ZNF691: variants seen among roughly 807,000 people sequenced by gnomAD.
ZNF691 encodes the protein zinc finger protein 691.
In ZNF691, 11 loss-of-function variants were observed where a neutral mutation model predicts 24.1. That is an observed-to-expected ratio of 0.46 (90% confidence interval 0.29 to 0.75). The LOEUF (loss-of-function observed/expected upper bound fraction) is 0.75, where lower values mean the gene tolerates loss of function less well. Among genes scored for constraint, ZNF691 ranks in the 30% least tolerant of loss-of-function variants. The probability of loss-of-function intolerance (pLI) is 0.11; values close to 1 mark genes in which losing one functional copy is unlikely to be tolerated. For synonymous variants in ZNF691, 149 were observed against 153.9 expected, an observed-to-expected ratio of 0.97 and a Z score of 0.23; for missense variants, 356 against 409.0, an observed-to-expected ratio of 0.87 and a Z score of 1.12.
In ZNF691 at chr1:42,852,127, C is replaced by T. The variant is rs1655416638; in HGVS notation, c.*314C>T. 1.5e-5 allele frequency: 7 copies of T among 459,856 alleles called. No individual in the cohort carries two copies. Among genetic ancestry groups the T allele is most frequent in the South Asian group, 1.0e-4 (5 of 49,300 alleles). 28.5% of individuals were successfully genotyped at this position (459,856 alleles called of 1,614,324 possible). The stretch of plus-strand genomic sequence containing the variant: ...CTCATGTTATTAAGGCAGCAGTCCC[C>T]CTGGCCTTTGAGGAAGTACTTATGA... On this transcript the variant is annotated 3_prime_UTR_variant, in exon 4 of 4. Transcript: ENST00000651192.
At chr1:42,849,219 A>G (rs983431890) in intron 1 of ZNF691, 72 bp from the exon 2 acceptor site, 10 of 359,594 alleles carry the variant, frequency 2.8e-5, no homozygotes, top group African/African-American at 1.9e-4. Context: ...ATACAGTTTT[A>G]TGCTATTTTT....
intron 3 of ZNF691, 183 bp from the exon 4 acceptor site, chr1:42,850,767 A>G: frequency 6.5e-7 from 1 of 1,550,386 alleles, no homozygotes; most frequent in Non-Finnish European, 8.7e-7. Context: ...AATATCTCTG[A>G]AAGTTTGTCA....
At chr1:42,850,680 T>C in intron 3 of ZNF691, 2 of 1,550,602 alleles carry the variant, frequency 1.3e-6, no homozygotes, top group Non-Finnish European at 1.7e-6. Flanking sequence ...AGAGTGACAT[T>C]ATTCAAATGG....
At position 42,850,997 on chromosome 1, in the gene ZNF691, G is replaced by T; in HGVS notation, c.132G>T (p.Leu44=). 1.3e-6 allele frequency: 2 copies of T among 1,544,940 alleles called. No homozygotes were observed. The highest frequency in any genetic ancestry group is 1.4e-5 in the African/African-American group (1 of 72,558). The change falls in exon 4 of 4, where the codon CTG becomes CTT. Residue 44 remains leucine, a synonymous_variant. Coordinates refer to ENST00000651192, the MANE Select transcript of ZNF691 (RefSeq NM_001242739.2). ...SEKEQSPEPH[L]PEEGEGGKPW... The stretch of plus-strand genomic sequence containing the variant: ...AGGAGCAGAGTCCAGAACCACACCT[G>T]CCTGAGGAAGGGGAAGGGGGTAAGC...
chr1:42,847,621 C>A (rs1655275721), intron 1 of ZNF691, among the ~76,000 whole-genome samples: 1 of 152,250 alleles, frequency 6.6e-6, no homozygotes, highest in Non-Finnish European at 1.5e-5. Flanking sequence ...CTTGAAACTT[C>A]TCAGCCCTGA....
At position 42,851,939 on chromosome 1, in the gene ZNF691, G is replaced by A. The variant is rs999189796; in HGVS notation, c.*126G>A. The A allele has an allele frequency of 1.5e-5, 21 of 1,416,742 alleles. No individual in the cohort carries two copies. The highest frequency in any genetic ancestry group is 5.7e-5 in the African/African-American group (4 of 70,444). The allele number at this position is 1,416,742 out of a possible 1,614,324, so 87.8% of individuals were successfully genotyped here. ...TCATCCCACTTTGGAGAATGGTTTT[G>A]TATAGCCTCTGAAGTCAGGATCTCA... On this transcript the variant is annotated 3_prime_UTR_variant, in exon 4 of 4. Transcript: ENST00000651192. This position sits in a 1 kb window ranked among gnomAD's most constrained non-coding sequence, Gnocchi z 4.7.
At chr1:42,850,707 T>C (rs1655361583) in intron 3 of ZNF691, 1 of 1,550,498 alleles carries the variant, frequency 6.4e-7, no homozygotes, top group South Asian at 1.2e-5. Context: ...TATCATCTGG[T>C]GGTGGTGGAC....
chr1:42,849,279 T>A lies in ZNF691; in HGVS notation c.-217-12T>A. The A allele has an allele frequency of 2.4e-6, 1 of 418,608 alleles. No individual in the cohort carries two copies. 25.9% of individuals were successfully genotyped at this position (418,608 alleles called of 1,614,324 possible). ...GATCATTTAAAAGATCTTTTTCTTG[T>A]ATTCTTCACAGGGCCTGGACGTAGT... On this transcript the variant is annotated splice_polypyrimidine_tract_variant and intron_variant, in intron 1 of 3. Transcript: ENST00000651192.
In ZNF691 at chr1:42,849,292, G is replaced by A. The variant is rs1655315238; in HGVS notation, c.-216G>A. 2.2e-6 allele frequency: 1 copy of A among 457,960 alleles called. No homozygotes were observed. Among genetic ancestry groups the A allele is most frequent in the South Asian group, 1.6e-5 (1 of 61,180 alleles). 28.4% of individuals were successfully genotyped at this position (457,960 alleles called of 1,614,324 possible). On this transcript the variant is annotated splice_region_variant and 5_prime_UTR_variant, in exon 2 of 4. Coordinates refer to ENST00000651192, the MANE Select transcript of ZNF691 (RefSeq NM_001242739.2). ...ATCTTTTTCTTGTATTCTTCACAGGGCCTGGACGTAGTGTCTTCAACAGTT... is the reference window on the plus strand; with the variant it reads ...ATCTTTTTCTTGTATTCTTCACAGGACCTGGACGTAGTGTCTTCAACAGTT...
intron 3 of ZNF691, chr1:42,850,554 A>G (rs1184828273): frequency 1.4e-6 from 2 of 1,477,266 alleles, no homozygotes; most frequent in Non-Finnish European, 1.8e-6. Flanking sequence ...TTAAACATAA[A>G]AAGAGTTACA....
In ZNF691 at chr1:42,851,241, A is replaced by G; in HGVS notation, c.376A>G (p.Asn126Asp). The G allele has an allele frequency of 6.2e-7, 1 of 1,614,202 alleles. No homozygotes were observed. Among genetic ancestry groups the G allele is most frequent in the African/African-American group, 1.3e-5 (1 of 75,044 alleles). ...ICAQCGKTFN[N>D]TSNLRTHQRI... The stretch of plus-strand genomic sequence containing the variant: ...TGCCCAGTGTGGCAAAACCTTCAAT[A>G]ATACCTCCAACCTGAGAACACACCA... Residue 126 changes from asparagine to aspartate, a missense_variant, in exon 4 of 4, where the codon AAT becomes GAT. By Grantham distance (23) the Asn-to-Asp change is conservative (BLOSUM62 1). Transcript: ENST00000651192. This position sits in a 1 kb window ranked among gnomAD's most constrained non-coding sequence, Gnocchi z 4.7.
chr1:42,851,053 G>A lies in ZNF691; in HGVS notation c.188G>A (p.Trp63Ter). The A allele has an allele frequency of 1.3e-6, 2 of 1,592,154 alleles. No homozygotes were observed. The highest frequency in any genetic ancestry group is 1.7e-6 in the Non-Finnish European group (2 of 1,169,730). Residue 63 changes from tryptophan (W) to a stop codon, truncating the protein, a stop_gained, in exon 4 of 4, where the codon TGG (tryptophan) becomes TAG (stop). Transcript: ENST00000651192. LOFTEE classifies it high-confidence loss of function. The surrounding 1 kb of genome is among the most constrained non-coding windows in gnomAD (Gnocchi z 4.7). The part of the protein sequence containing the change: ...PWRVDDSEGS[W>*]IPPGEKEHGQ... ...AGAGTGGATGACTCAGAGGGTTCTT[G>A]GATCCCACCTGGGGAGAAGGAGCAT...
rs140475363 is a variant in ZNF691 at position 42,851,017 on chromosome 1, G to T, written c.152G>T (p.Gly51Val). 1 of 1,559,178 alleles carries T rather than the reference G, an allele frequency of 6.4e-7. No individual in the cohort carries two copies. The change falls in exon 4 of 4, where the codon GGT becomes GTT. Residue 51 changes from glycine (G) to valine (V), a missense_variant. Gly to Val is a moderately radical substitution (Grantham distance 109, BLOSUM62 -3). Transcript: ENST00000651192. This position sits in a 1 kb window ranked among gnomAD's most constrained non-coding sequence, Gnocchi z 4.7. ...CACCTGCCTGAGGAAGGGGAAGGGGGTAAGCCTTGGAGAGTGGATGACTCA... is the reference window on the plus strand; with the variant it reads ...CACCTGCCTGAGGAAGGGGAAGGGGTTAAGCCTTGGAGAGTGGATGACTCA... ...EPHLPEEGEG[G>V]KPWRVDDSEG...
intron 1 of ZNF691, among the ~76,000 whole-genome samples, chr1:42,847,524 T>C (rs1655273309): frequency 6.6e-6 from 1 of 152,228 alleles, no homozygotes; most frequent in Non-Finnish European, 1.5e-5. Flanking sequence ...TCAGCTGCAC[T>C]GTCTTCTCAG....
At position 42,846,623 on chromosome 1, in the gene ZNF691, G is replaced by A. The variant is rs1655241986; in HGVS notation, c.-252G>A. On this transcript the variant is annotated 5_prime_UTR_variant, in exon 1 of 4. Coordinates refer to ENST00000651192, the MANE Select transcript of ZNF691 (RefSeq NM_001242739.2). ...TCCAGCTCCTTCCCTCGCCTACAGA[G>A]GCGGCGCTGTCCCTGATCGAGCGGC... 1 of 152,430 alleles carries A rather than the reference G, an allele frequency of 6.6e-6. No homozygotes were observed. The highest frequency in any genetic ancestry group is 2.1e-4 in the South Asian group (1 of 4,836). 9.4% of individuals were successfully genotyped at this position (152,430 alleles called of 1,614,324 possible).
chr1:42,849,056 A>G (rs1212674302), intron 1 of ZNF691, among the ~76,000 whole-genome samples: 1 of 152,200 alleles, frequency 6.6e-6, no homozygotes, highest in Non-Finnish European at 1.5e-5. Context: ...TTCATGATTC[A>G]TGATACAGTG....
chr1:42,851,715 C>T lies in ZNF691; in HGVS notation c.850C>T (p.Arg284Trp), dbSNP rs559670103. 31 of 1,614,236 alleles carry T rather than the reference C, an allele frequency of 1.9e-5. No homozygotes were observed. In the East Asian group the frequency reaches 3.6e-4, roughly 19 times the overall value. ...QRTHRGEKPYRCTVCGKHFSR... is the reference protein window; with the variant it reads ...QRTHRGEKPYWCTVCGKHFSR... ...GACCCACAGAGGGGAGAAGCCCTAC[C>T]GGTGCACTGTGTGTGGGAAACACTT... Residue 284 changes from arginine to tryptophan, a missense_variant, in exon 4 of 4, where the codon CGG (arginine) becomes TGG (tryptophan). Arg to Trp is a moderately radical substitution (Grantham distance 101). Coordinates refer to ENST00000651192, the MANE Select transcript of ZNF691 (RefSeq NM_001242739.2). The surrounding 1 kb of genome is among the most constrained non-coding windows in gnomAD (Gnocchi z 4.7).
intron 3 of ZNF691, chr1:42,850,510 G>A: frequency 6.9e-7 from 1 of 1,444,922 alleles, no homozygotes; most frequent in Non-Finnish European, 9.1e-7. Flanking sequence ...AGGCATATAG[G>A]TAGATACTTG....
chr1:42,850,724 G>A lies in ZNF691; in HGVS notation c.85-226G>A, dbSNP rs781433825. On this transcript the variant is annotated intron_variant, in intron 3 of 3. Coordinates refer to ENST00000651192, the MANE Select transcript of ZNF691 (RefSeq NM_001242739.2). ...TCATCTGGTGGTGGTGGACAAAGCC[G>A]GTGCCTTCTTTTTGCTCTGGTGGGT... The A allele has an allele frequency of 5.8e-5, 90 of 1,550,434 alleles. No homozygotes were observed. The East Asian group carries it at 6.6e-4, about 11-fold the overall frequency.
Sources: allele counts gnomAD v4.1 joint callset (sites outside exome capture counted in the v4.1 genomes callset), GRCh38; gene constraint gnomAD v4.1.1; non-coding constraint Gnocchi (gnomAD v3.1); transcripts MANE v1.5; gene names NCBI Gene and HGNC (gene_info 2026-07-23, HGNC 2026-07-21).